The following DHX36 variants were observed in gnomAD, a reference collection of about 807,000 sequenced individuals.
DHX36 encodes DEAH-box helicase 36, also known as ATP-dependent DNA/RNA helicase DHX36.
In DHX36, 50 loss-of-function variants were observed where a neutral mutation model predicts 139.0. The ratio of observed to expected loss-of-function variants is 0.36; its 90% CI spans 0.29 to 0.46. DHX36 has a LOEUF of 0.46. Among genes scored for constraint, DHX36 ranks in the 20% least tolerant of loss-of-function variants. The pLI, the probability that DHX36 is intolerant of heterozygous loss-of-function variation, is 1.00. For synonymous variants in DHX36, 425 were observed against 401.9 expected (o/e 1.06, Z -0.69); for missense variants, 1,024 against 1,211.3 (o/e 0.85, Z 2.29).
intron 12 of DHX36, among the ~76,000 whole-genome samples, chr3:154,297,612 G>A (rs986379534): frequency 3.3e-5 from 5 of 151,950 alleles, no homozygotes; most frequent in Non-Finnish European, 7.4e-5. Context: ...TCGGGAGGCT[G>A]AGGCAGGGAA....
chr3:154,299,990 G>A lies in DHX36; in HGVS notation c.1462-65C>T, dbSNP rs549423384. ...AACAAAATGCAGTAACAGTAAAATTGTGTGCACACTGAAGTCTCCATTAAA... is the reference window on the plus strand; with the variant it reads ...AACAAAATGCAGTAACAGTAAAATTATGTGCACACTGAAGTCTCCATTAAA... On this transcript the variant is annotated intron_variant, in intron 11 of 24. Coordinates refer to ENST00000496811, the MANE Select transcript of DHX36 (RefSeq NM_020865.3). 6.5e-6 allele frequency: 7 copies of A among 1,071,552 alleles called. No homozygotes were observed. In the South Asian group the frequency reaches 7.8e-5, roughly 12 times the overall value. 66.4% of individuals were successfully genotyped at this position (1,071,552 alleles called of 1,614,324 possible). A position where few individuals can be genotyped will look rare whatever the true frequency, so the allele number is the denominator to read the frequency against.
At position 154,276,300 on chromosome 3, in the gene DHX36, A is replaced by C; in HGVS notation, c.2898T>G (p.Pro966=). The change falls in exon 25 of 25, where the codon CCT becomes CCG. Residue 966 remains proline, a synonymous_variant. Transcript: ENST00000496811. The part of the protein sequence containing the change: ...LLQEKIESPH[P]VDWNDTKSRD... ...TGGATTTAGTGTCATTCCAGTCTACAGGATGAGGACTTTCAATCTTCTCTT... is the reference window on the plus strand; with the variant it reads ...TGGATTTAGTGTCATTCCAGTCTACCGGATGAGGACTTTCAATCTTCTCTT... 4 of 1,613,896 alleles carry C rather than the reference A, an allele frequency of 2.5e-6. No homozygotes were observed. The highest frequency in any genetic ancestry group is 2.5e-6 in the Non-Finnish European group (3 of 1,179,974).
chr3:154,299,701 T>C (rs562400765), intron 12 of DHX36, 137 bp downstream of exon 12: 3 of 714,822 alleles, frequency 4.2e-6, no homozygotes, highest in South Asian at 3.1e-5. Context: ...ATTCTCTTCA[T>C]AATACTAAAT....
chr3:154,312,488 T>TA lies in DHX36; in HGVS notation c.604-815dup, dbSNP rs981927779. On this transcript the variant is annotated intron_variant, in intron 3 of 24. Transcript: ENST00000496811. ...TACATTCAACTAGGTACATATAATG[T>TA]AAAAAAAAAACTTCAGTGGCATAAA... Among the ~76,000 whole-genome samples the TA allele has an allele frequency of 2.0e-3, 302 of 148,460 alleles. 2 individuals carry two copies. The highest frequency in any genetic ancestry group is 6.4e-3 in the African/African-American group (260 of 40,574).
At chr3:154,283,354 G>A in intron 19 of DHX36, 83 bp from the exon 20 acceptor site, 1 of 900,304 alleles carries the variant, frequency 1.1e-6, no homozygotes, top group Non-Finnish European at 1.8e-6. Flanking sequence ...TTTAGTAAAA[G>A]CTTAATATTC....
intron 17 of DHX36, among the ~76,000 whole-genome samples, chr3:154,287,148 G>A (rs375876071): frequency 8.1e-4 from 124 of 152,222 alleles, no homozygotes; most frequent in African/African-American, 2.7e-3. Context: ...GACAAAAAGA[G>A]ATGAACTTTT....
intron 15 of DHX36, among the ~76,000 whole-genome samples, chr3:154,290,364 G>A (rs573066668): frequency 6.6e-6 from 1 of 152,156 alleles, no homozygotes; most frequent in East Asian, 1.9e-4. Context: ...GGCCGGGCGC[G>A]ATGGCTCACA....
intron 1 of DHX36, 124 bp downstream of exon 1, chr3:154,324,050 G>A: frequency 8.9e-7 from 1 of 1,118,212 alleles, no homozygotes. Context: ...ATATATTTGC[G>A]CCTCATTTAC....
At chr3:154,289,008 T>A in intron 16 of DHX36, 44 bp from the exon 17 acceptor site, 1 of 992,580 alleles carries the variant, frequency 1.0e-6, no homozygotes, top group East Asian at 2.8e-5. Flanking sequence ...ATAATATTAA[T>A]ATATTAGCAT....
rs1712255982 is a variant in DHX36, at chr3:154,301,073, T to C, written c.1272A>G (p.Gln424=). The C allele has an allele frequency of 2.5e-6, 4 of 1,612,816 alleles. No individual in the cohort carries two copies. The highest frequency in any genetic ancestry group is 2.2e-5 in the East Asian group (1 of 44,786). The part of the protein sequence containing the change: ...HRSQFKRGFM[Q]GHVNRQEKEE... The stretch of plus-strand genomic sequence containing the variant: ...CTTTTTCTTGTCTATTTACATGCCC[T>C]TGCATGAAACCCCTCTTAAACTGGG... The change falls in exon 10 of 25, where the codon CAA becomes CAG. Residue 424 remains glutamine, a synonymous_variant. Coordinates refer to ENST00000496811, the MANE Select transcript of DHX36 (RefSeq NM_020865.3).
At chr3:154,310,776 TC>T in intron 4 of DHX36, among the ~76,000 whole-genome samples, 1 of 4,898 alleles carries the variant, frequency 2.0e-4, no homozygotes, top group African/African-American at 5.5e-4. Flanking sequence ...AGACTCCCTC[TC>T]AAAAAAAAAA....
intron 20 of DHX36, 131 bp downstream of exon 20, chr3:154,283,057 T>C: frequency 1.7e-6 from 1 of 595,970 alleles, no homozygotes; most frequent in Non-Finnish European, 3.0e-6. Flanking sequence ...CCCATTACTT[T>C]GTGTATATAT....
chr3:154,323,958 C>G (rs1454149780), intron 1 of DHX36, among the ~76,000 whole-genome samples: 1 of 152,212 alleles, frequency 6.6e-6, no homozygotes, highest in Non-Finnish European at 1.5e-5. Flanking sequence ...ATATATTCAG[C>G]CTGCATAAAT....
At chr3:154,283,099 T>G in intron 20 of DHX36, 89 bp downstream of exon 20, 1 of 1,045,880 alleles carries the variant, frequency 9.6e-7, no homozygotes, top group African/African-American at 1.6e-5. Flanking sequence ...ATATTTGACT[T>G]TTTTGCTATA....
chr3:154,305,067 A>G lies in DHX36; in HGVS notation c.968+27T>C, dbSNP rs572947406. On this transcript the variant is annotated intron_variant, in intron 7 of 24. Transcript: ENST00000496811. ...ATAATTACATCTTTTGATAACACTT[A>G]TATTTCCTTAATTGAAACATACTCA... is the stretch of plus-strand genomic sequence containing the variant. The G allele has an allele frequency of 5.1e-5, 81 of 1,601,858 alleles. No homozygotes were observed. The South Asian group carries it at 8.2e-4, about 16-fold the overall frequency.
intron 12 of DHX36, among the ~76,000 whole-genome samples, chr3:154,298,869 G>A (rs540341598): frequency 3.0e-4 from 45 of 152,238 alleles, no homozygotes; most frequent in Non-Finnish European, 5.1e-4. Flanking sequence ...AGCCGAGATC[G>A]CACCACTGCA....
chr3:154,315,820 A>T (rs1712955841), intron 2 of DHX36, among the ~76,000 whole-genome samples: 1 of 152,084 alleles, frequency 6.6e-6, no homozygotes, highest in South Asian at 2.1e-4. Context: ...AACTTAATAC[A>T]TCTCATATCC....
chr3:154,277,473 A>T, intron 23 of DHX36, 125 bp downstream of exon 23: 2 of 806,816 alleles, frequency 2.5e-6, no homozygotes, highest in Non-Finnish European at 3.5e-6. Flanking sequence ...GGAAAAAGTT[A>T]CTCACGTCAC....
Position 154,304,587 on chromosome 3 carries a change from G to A in DHX36, c.1135+219C>T, listed in dbSNP as rs561751238. Among the ~76,000 whole-genome samples, 26 of 152,234 alleles carry A rather than the reference G, an allele frequency of 1.7e-4. No homozygotes were observed. The South Asian group carries it at 4.6e-3, about 27-fold the overall frequency. The stretch of plus-strand genomic sequence containing the variant: ...ATGATGCCATCTTAATTGTGTGGTG[G>A]TAGCAACAAGAAGCTACCTGTCCTC... On this transcript the variant is annotated intron_variant, in intron 8 of 24. Coordinates refer to ENST00000496811, the MANE Select transcript of DHX36 (RefSeq NM_020865.3).
Sources: gnomAD v4.1 joint callset for allele counts (sites outside exome capture counted in the v4.1 genomes callset) on GRCh38, gnomAD v4.1.1 for gene constraint, MANE v1.5 for transcripts, NCBI Gene and HGNC (gene_info 2026-07-23, HGNC 2026-07-21) for gene names.